Variants in CCDC73 observed in about 807,000 individuals in gnomAD.
CCDC73 encodes coiled-coil domain containing 73, also known as coiled-coil domain-containing protein 73.
A neutral mutation model predicts 116.5 loss-of-function variants in CCDC73; 95 were observed. The observed-to-expected ratio is 0.82, with a 90% CI of 0.69 to 0.97. The LOEUF (loss-of-function observed/expected upper bound fraction) is 0.97. Among genes scored for constraint, CCDC73 ranks in the 50% least tolerant of loss-of-function variants. The pLI is 0.00. For missense variants in CCDC73, 1,066 were observed against 1,206.8 expected, an observed-to-expected ratio of 0.88 and a Z score of 1.73; for synonymous variants, 398 against 401.3, an observed-to-expected ratio of 0.99 and a Z score of 0.10.
At chr11:32,665,513 A>C (rs1239960363) in intron 9 of CCDC73, among the ~76,000 whole-genome samples, 1 of 152,102 alleles carries the variant, frequency 6.6e-6, no homozygotes, top group African/African-American at 2.4e-5. Context: ...TTTGCTTGGT[A>C]GATCTTCCTC....
At chr11:32,728,408 T>C (rs1375229699) in intron 2 of CCDC73, among the ~76,000 whole-genome samples, 1 of 152,174 alleles carries the variant, frequency 6.6e-6, no homozygotes, top group African/African-American at 2.4e-5. Context: ...GGCTGTCTTA[T>C]GTATCCTTTT....
In CCDC73 at chr11:32,760,198, GAAGAGT is replaced by G. The variant is rs756331528; in HGVS notation, c.40_45del (p.Thr14_Leu15del). ...GAAAACAATGTCTCTGAAGAACTTT[GAAGAGT>G]AAAAGTAGATGATGACTCAGTATTG... On this transcript the variant is annotated inframe_deletion, in exon 2 of 18. Transcript: ENST00000335185. 3 of 1,592,474 alleles carry G rather than the reference GAAGAGT, an allele frequency of 1.9e-6. No homozygotes were observed. The highest frequency in any genetic ancestry group is 2.6e-6 in the Non-Finnish European group (3 of 1,165,320).
At chr11:32,823,748 AT>A in the CCDC73 span, among the ~76,000 whole-genome samples, 16 of 150,856 alleles carry the variant, frequency 1.1e-4, no homozygotes, top group East Asian at 7.8e-4. Context: ...TAAAAAAAAA[AT>A]TTTTTTTTTA....
At chr11:32,786,831 A>T (rs115644562) in intron 1 of CCDC73, among the ~76,000 whole-genome samples, 2,057 of 152,132 alleles carry the variant, frequency 0.014, 54 homozygotes, top group African/African-American at 0.047. Context: ...ATTCTACTTA[A>T]ATTATTTAAG....
intron 7 of CCDC73, chr11:32,682,113 T>G (rs1226023888): frequency 6.6e-6 from 1 of 151,784 alleles, no homozygotes; most frequent in African/African-American, 2.4e-5. Context: ...CATGTTTCCA[T>G]GTTTTTTTTT....
intron 1 of CCDC73, among the ~76,000 whole-genome samples, chr11:32,770,197 G>T (rs942811966): frequency 9.2e-5 from 14 of 152,104 alleles, no homozygotes; most frequent in African/African-American, 3.4e-4. Context: ...TTCTTCACAT[G>T]GTTTTCACCC....
intron 1 of CCDC73, among the ~76,000 whole-genome samples, chr11:32,776,154 T>C (rs759569544): frequency 6.6e-6 from 1 of 152,160 alleles, no homozygotes; most frequent in Non-Finnish European, 1.5e-5. Flanking sequence ...TTCTTCCTTC[T>C]AATTTGCTCT....
chr11:32,766,127 T>C (rs971642791), intron 1 of CCDC73, among the ~76,000 whole-genome samples: 4 of 152,142 alleles, frequency 2.6e-5, no homozygotes, highest in South Asian at 2.1e-4. Flanking sequence ...GTGGGCTTCA[T>C]CCCTGGAATG....
the CCDC73 span, among the ~76,000 whole-genome samples, chr11:32,807,211 G>A: frequency 1.3e-5 from 2 of 152,180 alleles, no homozygotes; most frequent in African/African-American, 2.4e-5. Context: ...GGCAGTGGAC[G>A]CAGTTTGTCA....
At chr11:32,717,129 G>A (rs1465368092) in intron 3 of CCDC73, among the ~76,000 whole-genome samples, 1 of 152,084 alleles carries the variant, frequency 6.6e-6, no homozygotes, top group Non-Finnish European at 1.5e-5. Context: ...ATTATTTCTA[G>A]TTTGGTCTAT....
intron 1 of CCDC73, among the ~76,000 whole-genome samples, chr11:32,769,866 T>A (rs1212429208): frequency 6.6e-6 from 1 of 152,190 alleles, no homozygotes; most frequent in South Asian, 2.1e-4. Context: ...ACCATTACAA[T>A]ATGTAACTAT....
chr11:32,770,533 T>G (rs1211430151), intron 1 of CCDC73, among the ~76,000 whole-genome samples: 1 of 152,088 alleles, frequency 6.6e-6, no homozygotes, highest in African/African-American at 2.4e-5. Context: ...AAAACAAGGA[T>G]GCTATGAAAA....
At chr11:32,736,226 C>G (rs1850127762) in intron 2 of CCDC73, among the ~76,000 whole-genome samples, 1 of 152,060 alleles carries the variant, frequency 6.6e-6, no homozygotes. Flanking sequence ...AACAGGCAAC[C>G]TACAGAATGG....
intron 3 of CCDC73, among the ~76,000 whole-genome samples, chr11:32,712,734 A>G (rs577842108): frequency 2.0e-5 from 3 of 151,788 alleles, no homozygotes; most frequent in Non-Finnish European, 4.4e-5. Context: ...ATATATGTAC[A>G]TGTATATACT....
chr11:32,713,237 C>T (rs138269614), intron 3 of CCDC73, among the ~76,000 whole-genome samples: 31 of 152,178 alleles, frequency 2.0e-4, no homozygotes, highest in Non-Finnish European at 4.0e-4. Context: ...AATCATGACT[C>T]CTTACCAGAG....
Position 32,614,034 on chromosome 11 carries a change from T to C in CCDC73, c.2284A>G (p.Asn762Asp). 6.2e-7 allele frequency: 1 copy of C among 1,612,046 alleles called. No individual in the cohort carries two copies. Among genetic ancestry groups the C allele is most frequent in the Non-Finnish European group, 8.5e-7 (1 of 1,179,500 alleles). ...MSDMQNSQFN[N>D]CLGYLENTNV... ...GTGTTTTCTAAGTATCCCAAACAGT[T>C]ATTAAATTGACTGTTTTGCATATCA... Residue 762 changes from asparagine (N) to aspartate (D), a missense_variant, in exon 16 of 18, where the codon AAC becomes GAC. By Grantham distance (23) the Asn-to-Asp change is conservative. Transcript: ENST00000335185.
intron 14 of CCDC73, among the ~76,000 whole-genome samples, chr11:32,622,392 A>G (rs1855529856): frequency 6.6e-6 from 1 of 152,166 alleles, no homozygotes; most frequent in Non-Finnish European, 1.5e-5. Context: ...CATCATCCTC[A>G]GCAAACTAAC....
At chr11:32,692,111 G>A (rs1856265752) in intron 6 of CCDC73, among the ~76,000 whole-genome samples, 3 of 148,564 alleles carry the variant, frequency 2.0e-5, no homozygotes, top group South Asian at 4.2e-4. Flanking sequence ...TTTCTCCTAC[G>A]TTTTCTTCTA....
chr11:32,673,221 T>C (rs967791782), intron 9 of CCDC73, among the ~76,000 whole-genome samples: 1 of 152,030 alleles, frequency 6.6e-6, no homozygotes, highest in Non-Finnish European at 1.5e-5. Context: ...AAGATACCAC[T>C]ACACACCAAT....
Sources: allele counts gnomAD v4.1 joint callset (sites outside exome capture counted in the v4.1 genomes callset), GRCh38; gene constraint gnomAD v4.1.1; transcripts MANE v1.5; gene names NCBI Gene and HGNC (gene_info 2026-07-23, HGNC 2026-07-21).